IPMK: variants seen among roughly 807,000 people sequenced by gnomAD.
IPMK encodes the protein inositol polyphosphate multikinase.
IPMK carries 17 observed loss-of-function variants against 45.8 expected under a neutral mutation model. The ratio of observed to expected loss-of-function variants is 0.37; its 90% confidence interval spans 0.25 to 0.56. The LOEUF (loss-of-function observed/expected upper bound fraction) is 0.56. Among genes scored for constraint, IPMK ranks in the 20% least tolerant of loss-of-function variants. The pLI is 0.79. For synonymous variants in IPMK, 180 were observed against 184.3 expected (o/e 0.98, Z 0.19); for missense variants, 399 against 498.0 (o/e 0.80, Z 1.89).
At chr10:58,248,290 T>A (rs537356648) in intron 1 of IPMK, among the ~76,000 whole-genome samples, 1 of 152,112 alleles carries the variant, frequency 6.6e-6, no homozygotes, top group East Asian at 1.9e-4. Context: ...ATACTGTACA[T>A]TTAAAAATGG....
intron 3 of IPMK, 39 bp downstream of exon 3, chr10:58,227,004 T>C (rs745521811): frequency 3.6e-6 from 5 of 1,403,234 alleles, no homozygotes; most frequent in South Asian, 3.5e-5. Flanking sequence ...GCTACACTCA[T>C]GAATTAAAAC....
chr10:58,221,254 A>C (rs1838328759), intron 3 of IPMK, among the ~76,000 whole-genome samples: 1 of 152,180 alleles, frequency 6.6e-6, no homozygotes, highest in African/African-American at 2.4e-5. Context: ...GTATGCCCTT[A>C]AAGTTGCTCA....
intron 3 of IPMK, among the ~76,000 whole-genome samples, chr10:58,222,160 C>T (rs1838346641): frequency 6.6e-6 from 1 of 152,148 alleles, no homozygotes; most frequent in African/African-American, 2.4e-5. Context: ...GCTGGGATTA[C>T]AGGTGAGAGC....
intron 2 of IPMK, among the ~76,000 whole-genome samples, chr10:58,235,793 T>C (rs1183438694): frequency 6.6e-6 from 1 of 151,900 alleles, no homozygotes; most frequent in Non-Finnish European, 1.5e-5. Context: ...ACATGTATCC[T>C]AGAACTTAAA....
At chr10:58,251,643 A>T (rs1360613288) in intron 1 of IPMK, among the ~76,000 whole-genome samples, 1 of 152,120 alleles carries the variant, frequency 6.6e-6, no homozygotes, top group Non-Finnish European at 1.5e-5. Context: ...AATATGTTTT[A>T]TATACTTGGG....
rs572000317 is a variant in IPMK, at chr10:58,245,389, G to A, written c.191-7575C>T. 9.7e-4 allele frequency among the ~76,000 whole-genome samples: 148 copies of A among 152,016 alleles called. 2 individuals are homozygous for A. The highest frequency in any genetic ancestry group is 3.2e-3 in the African/African-American group (132 of 41,348). Reference sequence around the variant, plus strand: ...AGTACTCTGGGAGGCCAAGACAGCCGGATCACGAGGTCAGGAGTTCAAAAC... The same window carrying A: ...AGTACTCTGGGAGGCCAAGACAGCCAGATCACGAGGTCAGGAGTTCAAAAC... On this transcript the variant is annotated intron_variant, in intron 1 of 5. Coordinates refer to ENST00000373935, the MANE Select transcript of IPMK (RefSeq NM_152230.5).
At chr10:58,241,274 T>C (rs890428054) in intron 1 of IPMK, among the ~76,000 whole-genome samples, 1 of 152,146 alleles carries the variant, frequency 6.6e-6, no homozygotes, top group Non-Finnish European at 1.5e-5. Context: ...ACATTGAATC[T>C]GGGCCAAGAC....
rs978885856 is a variant in IPMK, at chr10:58,192,092, T to C, written c.*3984A>G. 5 of 152,056 alleles carry C rather than the reference T, an allele frequency of 3.3e-5. No individual in the cohort carries two copies. The highest frequency in any genetic ancestry group is 7.2e-5 in the African/African-American group (3 of 41,434). The allele number at this position is 152,056 out of a possible 1,614,324, so 9.4% of individuals were successfully genotyped here. On this transcript the variant is annotated 3_prime_UTR_variant, in exon 6 of 6. Coordinates refer to ENST00000373935, the MANE Select transcript of IPMK (RefSeq NM_152230.5). ...TTTCACTTAGTACAGGCTATTAATA[T>C]AAGTAATGAGAATTTAAGTATTAAC...
intron 1 of IPMK, among the ~76,000 whole-genome samples, chr10:58,247,350 G>A (rs1212945178): frequency 2.0e-5 from 3 of 151,400 alleles, no homozygotes; most frequent in Non-Finnish European, 4.4e-5. Context: ...AAAGACACAT[G>A]CACACGTATG....
At chr10:58,267,304 T>G in intron 1 of IPMK, 118 bp downstream of exon 1, 1 of 939,448 alleles carries the variant, frequency 1.1e-6, no homozygotes, top group Non-Finnish European at 1.7e-6. Flanking sequence ...AGGCCAGGGA[T>G]TTGGCGTGCA....
At chr10:58,242,314 G>T (rs1490819489) in intron 1 of IPMK, among the ~76,000 whole-genome samples, 6 of 152,070 alleles carry the variant, frequency 3.9e-5, no homozygotes, top group African/African-American at 1.4e-4. Context: ...AAAAAAATTA[G>T]CCAGGCGTTG....
intron 4 of IPMK, among the ~76,000 whole-genome samples, chr10:58,205,329 C>G (rs1413437749): frequency 2.0e-5 from 3 of 151,942 alleles, no homozygotes; most frequent in Admixed American, 2.0e-4. Context: ...TTATATACAG[C>G]TCAATAATTA....
In IPMK at chr10:58,196,168, C is replaced by T. The variant is rs1837889466; in HGVS notation, c.1159G>A (p.Ala387Thr). 6.2e-7 allele frequency: 1 copy of T among 1,614,032 alleles called. No homozygotes were observed. Among genetic ancestry groups the T allele is most frequent in the Non-Finnish European group, 8.5e-7 (1 of 1,179,952 alleles). ...ATTGTGTTGCTAGGGAACACATGAG[C>T]AAAATCTATCATTCGCACTTCTACT... ...AEVEVRMIDF[A>T]HVFPSNTIDE... The change falls in exon 6 of 6, where the codon GCT (alanine) becomes ACT (threonine). Residue 387 changes from alanine (A) to threonine (T), a missense_variant. Coordinates refer to ENST00000373935, the MANE Select transcript of IPMK (RefSeq NM_152230.5).
intron 3 of IPMK, among the ~76,000 whole-genome samples, chr10:58,224,586 C>T (rs1410522910): frequency 2.6e-5 from 4 of 152,018 alleles, no homozygotes; most frequent in Non-Finnish European, 4.4e-5. Context: ...ACTATCATAA[C>T]AAAATTAAAA....
Position 58,227,124 on chromosome 10 carries a change from A to T in IPMK, c.292T>A (p.Cys98Ser). The T allele has an allele frequency of 6.2e-7, 1 of 1,612,818 alleles. No homozygotes were observed. The highest frequency in any genetic ancestry group is 8.5e-7 in the Non-Finnish European group (1 of 1,179,122). The change falls in exon 3 of 6, where the codon TGT (cysteine) becomes AGT (serine). Residue 98 changes from cysteine (C) to serine (S), a missense_variant. This residue lies in a region of IPMK where 288 missense variants were observed against 398.0 expected (regional missense o/e 0.72). Coordinates refer to ENST00000373935, the MANE Select transcript of IPMK (RefSeq NM_152230.5). The part of the protein sequence containing the change: ...EFYNMVYAAD[C>S]FDGVLLELRK... The stretch of plus-strand genomic sequence containing the variant: ...AGCTCTAGAAGAACACCATCAAAAC[A>T]GTCAGCAGCATAAACCTGAAACAGA...
chr10:58,254,336 T>G (rs576174807), intron 1 of IPMK, among the ~76,000 whole-genome samples: 3 of 152,260 alleles, frequency 2.0e-5, no homozygotes, highest in Admixed American at 6.5e-5. Flanking sequence ...TTTTAATGAG[T>G]TTTTGCATTC....
At chr10:58,230,080 C>T (rs1038104779) in intron 2 of IPMK, among the ~76,000 whole-genome samples, 9 of 152,208 alleles carry the variant, frequency 5.9e-5, no homozygotes, top group African/African-American at 2.4e-5. Flanking sequence ...TGAGATCGAA[C>T]TGCGAGGCAG....
At chr10:58,245,350 A>C (rs922254844) in intron 1 of IPMK, among the ~76,000 whole-genome samples, 1 of 152,024 alleles carries the variant, frequency 6.6e-6, no homozygotes, top group Non-Finnish European at 1.5e-5. Flanking sequence ...ATAATGGCTC[A>C]TGCCTATAAT....
intron 1 of IPMK, among the ~76,000 whole-genome samples, chr10:58,252,198 C>T (rs1414023607): frequency 6.6e-6 from 1 of 152,180 alleles, no homozygotes; most frequent in Non-Finnish European, 1.5e-5. Flanking sequence ...CTTGTAGTTA[C>T]AACAGGTTAT....
Sources: gnomAD v4.1 joint callset for allele counts (sites outside exome capture counted in the v4.1 genomes callset) on GRCh38, gnomAD v4.1.1 for gene constraint, gnomAD v4.1.1 regional missense constraint, MANE v1.5 for transcripts, NCBI Gene and HGNC (gene_info 2026-07-23, HGNC 2026-07-21) for gene names.